DGCR8: variants seen among roughly 807,000 people sequenced by gnomAD.
The protein encoded by DGCR8 is DGCR8 microprocessor complex subunit, also known as microprocessor complex subunit DGCR8.
In DGCR8, 14 loss-of-function variants were observed where a neutral mutation model predicts 78.5. That is an observed-to-expected ratio of 0.18 (90% CI 0.12 to 0.28). DGCR8 has a LOEUF of 0.28. Ranked by LOEUF, DGCR8 falls within the 10% of genes least tolerant of loss-of-function variation. DGCR8 has a pLI of 1.00. For synonymous variants in DGCR8, 399 were observed against 402.4 expected (o/e 0.99, Z 0.10); for missense variants, 702 against 1,022.5 (o/e 0.69, Z 4.28).
At position 20,111,725 on chromosome 22, in the gene DGCR8, C is replaced by G; in HGVS notation, c.*1617C>G. The G allele has an allele frequency of 4.0e-6, 1 of 250,452 alleles. No individual in the cohort carries two copies. The highest frequency in any genetic ancestry group is 7.4e-6 in the Non-Finnish European group (1 of 134,930). 15.5% of individuals were successfully genotyped at this position (250,452 alleles called of 1,614,324 possible). On this transcript the variant is annotated 3_prime_UTR_variant, in exon 14 of 14. Coordinates refer to ENST00000351989, the MANE Select transcript of DGCR8 (RefSeq NM_022720.7). Reference sequence around the variant, plus strand: ...CTGTGCGCCCCCCCCCCCCCCCCACCCGTCTGCCAAGCATGGGTATGAATC... The same window carrying G: ...CTGTGCGCCCCCCCCCCCCCCCCACGCGTCTGCCAAGCATGGGTATGAATC...
At position 20,085,382 on chromosome 22, in the gene DGCR8, T is replaced by C. The variant is rs1602477090; in HGVS notation, c.-277-305T>C. Reference sequence around the variant, plus strand: ...TTGCTTATCTGAGTTAGAAGAATGCTGTGGTGGAGTTTAGTGTAAATTTTT... The same window carrying C: ...TTGCTTATCTGAGTTAGAAGAATGCCGTGGTGGAGTTTAGTGTAAATTTTT... On this transcript the variant is annotated intron_variant, in intron 1 of 13. Transcript: ENST00000351989. The surrounding 1 kb of genome is among the most constrained non-coding windows in gnomAD (Gnocchi z 6.2). 2.0e-5 allele frequency among the ~76,000 whole-genome samples: 3 copies of C among 152,214 alleles called. No homozygotes were observed. The highest frequency in any genetic ancestry group is 7.2e-5 in the African/African-American group (3 of 41,456).
intron 8 of DGCR8, 22 bp downstream of exon 8, chr22:20,092,929 C>G: frequency 6.3e-7 from 1 of 1,595,250 alleles, no homozygotes; most frequent in African/African-American, 1.3e-5. Flanking sequence ...GCTTGGGTGT[C>G]AAAGATACGT....
At chr22:20,082,094 T>C (rs1338009137) in intron 1 of DGCR8, among the ~76,000 whole-genome samples, 1 of 151,548 alleles carries the variant, frequency 6.6e-6, no homozygotes, top group Non-Finnish European at 1.5e-5. Context: ...TCTCGCTCTG[T>C]CGCCCAGACT....
chr22:20,086,925 G>A lies in DGCR8; in HGVS notation c.721-237G>A. 1.4e-6 allele frequency: 1 copy of A among 725,348 alleles called. No homozygotes were observed. Among genetic ancestry groups the A allele is most frequent in the Non-Finnish European group, 2.2e-6 (1 of 456,902 alleles). The allele number at this position is 725,348 out of a possible 1,614,324, so 44.9% of individuals were successfully genotyped here. A position where few individuals can be genotyped will look rare whatever the true frequency, so the allele number is the denominator to read the frequency against. On this transcript the variant is annotated intron_variant, in intron 2 of 13. Coordinates refer to ENST00000351989, the MANE Select transcript of DGCR8 (RefSeq NM_022720.7). This position sits in a 1 kb window ranked among gnomAD's most constrained non-coding sequence, Gnocchi z 6.4. ...CTGCATCCCTGATCTAGCGCGTGGG[G>A]CAGCAGGTGCTGCTGAGTTACGCTC...
chr22:20,089,618 A>G lies in DGCR8; in HGVS notation c.881-51A>G. 1 of 1,602,018 alleles carries G rather than the reference A, an allele frequency of 6.2e-7. No individual in the cohort carries two copies. Among genetic ancestry groups the G allele is most frequent in the Non-Finnish European group, 8.5e-7 (1 of 1,171,890 alleles). On this transcript the variant is annotated intron_variant, in intron 3 of 13. Coordinates refer to ENST00000351989, the MANE Select transcript of DGCR8 (RefSeq NM_022720.7). The surrounding 1 kb of genome is among the most constrained non-coding windows in gnomAD (Gnocchi z 4.9). The stretch of plus-strand genomic sequence containing the variant: ...TTGTGCAGGAGGTGCTGTGGCAACA[A>G]TTCCAAGTGTTTTTACAGTGATTAT...
intron 12 of DGCR8, 98 bp from the exon 13 acceptor site, chr22:20,108,792 C>CGCCT: frequency 1.5e-6 from 1 of 683,610 alleles, no homozygotes. Flanking sequence ...ACCCTGGGCG[C>CGCCT]GCCTGCCTTC....
intron 1 of DGCR8, among the ~76,000 whole-genome samples, chr22:20,081,467 GC>G (rs2049417382): frequency 6.6e-6 from 1 of 152,246 alleles, no homozygotes; most frequent in Non-Finnish European, 1.5e-5. Context: ...CAGTGGGGAG[GC>G]CTACGGGCAG....
At position 20,087,403 on chromosome 22, in the gene DGCR8, G is replaced by C; in HGVS notation, c.880+82G>C. On this transcript the variant is annotated intron_variant, in intron 3 of 13. Transcript: ENST00000351989. The surrounding 1 kb of genome is among the most constrained non-coding windows in gnomAD (Gnocchi z 4.1). ...TCCTTAGCAGAAATGCTTTGAGAGA[G>C]CTCTGGTGCCAGGTAGTGGGCTGGG... 6.8e-7 allele frequency: 1 copy of C among 1,479,870 alleles called. No homozygotes were observed. Among genetic ancestry groups the C allele is most frequent in the South Asian group, 1.3e-5 (1 of 74,820 alleles). 91.7% of individuals were successfully genotyped at this position (1,479,870 alleles called of 1,614,324 possible).
At chr22:20,098,858 A>G (rs1307290526) in intron 9 of DGCR8, among the ~76,000 whole-genome samples, 1 of 152,222 alleles carries the variant, frequency 6.6e-6, no homozygotes, top group Non-Finnish European at 1.5e-5. Context: ...TGACCTCTGT[A>G]AAGACCTTGT....
At position 20,086,046 on chromosome 22, in the gene DGCR8, A is replaced by G; in HGVS notation, c.83A>G (p.Gln28Arg). The stretch of plus-strand genomic sequence containing the variant: ...ATGGAGAGCCGAGCTCGCCCCTTCC[A>G]AGCGCTGCCCCGTGAGCAGTCTCCA... ...AVMESRARPFQALPREQSPPP... is the reference protein window; with the variant it reads ...AVMESRARPFRALPREQSPPP... Residue 28 changes from glutamine to arginine, a missense_variant, in exon 2 of 14, where the codon CAA (glutamine) becomes CGA (arginine). Transcript: ENST00000351989. The surrounding 1 kb of genome is among the most constrained non-coding windows in gnomAD (Gnocchi z 6.4). 6.2e-7 allele frequency: 1 copy of G among 1,613,934 alleles called. No individual in the cohort carries two copies. Among genetic ancestry groups the G allele is most frequent in the Non-Finnish European group, 8.5e-7 (1 of 1,180,010 alleles).
chr22:20,080,393 G>A lies in DGCR8; in HGVS notation c.-278+10G>A, dbSNP rs2049403235. The A allele has an allele frequency of 1.2e-6, 1 of 839,150 alleles. No individual in the cohort carries two copies. The highest frequency in any genetic ancestry group is 1.3e-6 in the Non-Finnish European group (1 of 764,416). The allele number at this position is 839,150 out of a possible 1,614,324, so 52.0% of individuals were successfully genotyped here. The stretch of plus-strand genomic sequence containing the variant: ...CCCGCGGGCGCCTCAGGTAGGTGCG[G>A]GGCGCGAGGGGCGCCCGCGGGCGGT... On this transcript the variant is annotated intron_variant, in intron 1 of 13. Coordinates refer to ENST00000351989, the MANE Select transcript of DGCR8 (RefSeq NM_022720.7).
chr22:20,111,715 C>CG lies in DGCR8; in HGVS notation c.*1607_*1608insG, dbSNP rs2049852188. Reference sequence around the variant, plus strand: ...CTTGTGGTCTCTGTGCGCCCCCCCCCCCCCCCCACCCGTCTGCCAAGCATG... The same window carrying CG: ...CTTGTGGTCTCTGTGCGCCCCCCCCCGCCCCCCCACCCGTCTGCCAAGCATG... On this transcript the variant is annotated 3_prime_UTR_variant, in exon 14 of 14. Transcript: ENST00000351989. 2 of 183,532 alleles carry CG rather than the reference C, an allele frequency of 1.1e-5. No homozygotes were observed. The highest frequency in any genetic ancestry group is 9.1e-5 in the African/African-American group (2 of 21,948). 11.4% of individuals were successfully genotyped at this position (183,532 alleles called of 1,614,324 possible).
intron 1 of DGCR8, 65 bp downstream of exon 1, chr22:20,080,448 G>A: frequency 1.0e-6 from 1 of 979,928 alleles, no homozygotes; most frequent in African/African-American, 1.8e-5. Flanking sequence ...GCGCGAGGGC[G>A]CGCCCTTCCC....
Position 20,090,140 on chromosome 22 carries a change from C to T in DGCR8, c.1188C>T (p.Asp396=). The T allele has an allele frequency of 6.2e-7, 1 of 1,614,252 alleles. No homozygotes were observed. The highest frequency in any genetic ancestry group is 1.1e-5 in the South Asian group (1 of 91,084). Residue 396 remains aspartate, a synonymous_variant, in exon 5 of 14, where the codon GAC becomes GAT. Transcript: ENST00000351989. ...AELEFPLDEP[D]SMGADPGPPD... ...TGGAGTTTCCCCTGGATGAGCCTGA[C>T]TCTATGGGTGCTGACCCGGGGCCCC...
chr22:20,098,139 A>G (rs1364090821), intron 9 of DGCR8, among the ~76,000 whole-genome samples: 4 of 148,970 alleles, frequency 2.7e-5, no homozygotes, highest in Non-Finnish European at 5.9e-5. Flanking sequence ...AAAAAAAAAA[A>G]GGAAAAAGAA....
chr22:20,103,452 C>G (rs1471062516), intron 9 of DGCR8, among the ~76,000 whole-genome samples: 2 of 152,130 alleles, frequency 1.3e-5, no homozygotes, highest in African/African-American at 2.4e-5. Context: ...CTGATTTATT[C>G]TAGTAGTTTT....
rs992444731 is a variant in DGCR8 at position 20,094,591 on chromosome 22, T to A, written c.1706-122T>A. 3.6e-5 allele frequency: 31 copies of A among 857,274 alleles called. No individual in the cohort carries two copies. In the South Asian group the frequency reaches 3.9e-4, roughly 11 times the overall value. The allele number at this position is 857,274 out of a possible 1,614,324, so 53.1% of individuals were successfully genotyped here. On this transcript the variant is annotated intron_variant, in intron 8 of 13. Transcript: ENST00000351989. ...CCTGTCACTGAAGTGCTGTCTCTCCTCAGGGCCCTCGCTCAGCCTCTGAGC... is the reference window on the plus strand; with the variant it reads ...CCTGTCACTGAAGTGCTGTCTCTCCACAGGGCCCTCGCTCAGCCTCTGAGC...
rs1264021705 is a variant in DGCR8, at chr22:20,080,291, C to T, written c.-370C>T. On this transcript the variant is annotated 5_prime_UTR_variant, in exon 1 of 14. Coordinates refer to ENST00000351989, the MANE Select transcript of DGCR8 (RefSeq NM_022720.7). ...GGTGCCGGCGACCGGAGAGCCTGGA[C>T]AGGCTTTCCAGATGGCTGCGGCGGT... The T allele has an allele frequency of 1.0e-6, 1 of 981,100 alleles. No individual in the cohort carries two copies. The highest frequency in any genetic ancestry group is 5.2e-4 in the Middle Eastern group (1 of 1,910). 60.8% of individuals were successfully genotyped at this position (981,100 alleles called of 1,614,324 possible).
chr22:20,097,756 T>C (rs1178606170), intron 9 of DGCR8, among the ~76,000 whole-genome samples: 3 of 151,852 alleles, frequency 2.0e-5, no homozygotes, highest in Non-Finnish European at 4.4e-5. Flanking sequence ...TGTTTCATAA[T>C]TTCTGTCTTT....
Sources: allele counts gnomAD v4.1 joint callset (sites outside exome capture counted in the v4.1 genomes callset), GRCh38; gene constraint gnomAD v4.1.1; non-coding constraint Gnocchi (gnomAD v3.1); transcripts MANE v1.5; gene names NCBI Gene and HGNC (gene_info 2026-07-23, HGNC 2026-07-21).